FILIP1: variants seen among roughly 807,000 people sequenced by gnomAD.
FILIP1 encodes filamin A interacting protein 1, also known as filamin-A-interacting protein 1.
Under a neutral mutation model 102.1 loss-of-function variants are expected in FILIP1, and 61 were observed. The observed-to-expected ratio is 0.60, with a 90% CI of 0.49 to 0.74. The LOEUF is 0.74. Ranked by LOEUF, FILIP1 falls within the 30% of genes least tolerant of loss-of-function variation. The pLI is 0.00. For missense variants in FILIP1, 1,314 were observed against 1,441.2 expected (o/e 0.91, Z 1.43); for synonymous variants, 491 against 526.9 (o/e 0.93, Z 0.93).
At chr6:75,310,386 T>C (rs1371694066) in intron 5 of FILIP1, among the ~76,000 whole-genome samples, 2 of 152,238 alleles carry the variant, frequency 1.3e-5, no homozygotes, top group Admixed American at 6.5e-5. Context: ...ACCTAGCCCA[T>C]GCCTAAAGTG....
chr6:75,292,606 C>A (rs1772571025), exon 7 of FILIP1: 1 of 152,150 alleles, frequency 6.6e-6, no homozygotes. Flanking sequence ...TATTACAACA[C>A]TTTTTTTCTC....
At chr6:75,464,239 T>C (rs1000481058) in intron 1 of FILIP1, among the ~76,000 whole-genome samples, 1 of 152,222 alleles carries the variant, frequency 6.6e-6, no homozygotes, top group African/African-American at 2.4e-5. Flanking sequence ...CAAGATTTTC[T>C]TTCCAGTGAC....
chr6:75,467,895 C>T (rs777663879), intron 1 of FILIP1, among the ~76,000 whole-genome samples: 7 of 152,176 alleles, frequency 4.6e-5, no homozygotes, highest in African/African-American at 7.2e-5. Flanking sequence ...TACAGGAGAG[C>T]AGTAGGAACA....
At chr6:75,338,087 T>C (rs531983495) in intron 4 of FILIP1, among the ~76,000 whole-genome samples, 5 of 152,186 alleles carry the variant, frequency 3.3e-5, no homozygotes, top group Non-Finnish European at 5.9e-5. Flanking sequence ...TCCTTAAGCA[T>C]TTAAGAATAA....
chr6:75,304,211 T>C (rs1212842286), downstream of FILIP1, among the ~76,000 whole-genome samples: 1 of 152,062 alleles, frequency 6.6e-6, no homozygotes, highest in East Asian at 1.9e-4. Flanking sequence ...TTATTATTTA[T>C]TTATTTTTAT....
At chr6:75,331,269 A>G (rs9360901) in intron 4 of FILIP1, among the ~76,000 whole-genome samples, 35,064 of 152,156 alleles carry the variant, frequency 0.23, 4,909 homozygotes, top group Middle Eastern at 0.34. Flanking sequence ...GTTTGCTCAT[A>G]TGAGCCACAG....
intron 2 of FILIP1, among the ~76,000 whole-genome samples, chr6:75,393,392 C>T (rs190931190): frequency 9.2e-5 from 14 of 152,158 alleles, no homozygotes; most frequent in Admixed American, 5.2e-4. Flanking sequence ...TCCTAAAATT[C>T]GCTCTTATTT....
At chr6:75,455,427 A>G (rs1363164837) in intron 1 of FILIP1, 1 of 152,086 alleles carries the variant, frequency 6.6e-6, no homozygotes, top group East Asian at 1.9e-4. Context: ...TTTTATTGCG[A>G]TGTCCAAACA....
chr6:75,386,141 C>T (rs187609537), intron 2 of FILIP1: 1 of 152,236 alleles, frequency 6.6e-6, no homozygotes, highest in East Asian at 1.9e-4. Context: ...TTGTTTCAGA[C>T]AATGATATGC....
intron 4 of FILIP1, among the ~76,000 whole-genome samples, chr6:75,329,346 G>A (rs1030650229): frequency 6.6e-6 from 1 of 152,140 alleles, no homozygotes; most frequent in Non-Finnish European, 1.5e-5. Context: ...AAATTTATCA[G>A]CATTAGCTCC....
intron 1 of FILIP1, among the ~76,000 whole-genome samples, chr6:75,426,099 T>C (rs180905910): frequency 1.2e-3 from 183 of 151,682 alleles, no homozygotes; most frequent in Non-Finnish European, 2.3e-3. Context: ...GTGGCTGGAG[T>C]TGACTCTTAG....
chr6:75,444,749 G>A (rs558188103), intron 1 of FILIP1, among the ~76,000 whole-genome samples: 59 of 152,116 alleles, frequency 3.9e-4, no homozygotes, highest in South Asian at 1.2e-3. Flanking sequence ...CACTTTAAAG[G>A]CTTCATTTTT....
chr6:75,441,600 G>A (rs372178738), intron 1 of FILIP1, among the ~76,000 whole-genome samples: 30,286 of 149,102 alleles, frequency 0.2, 2,948 homozygotes, highest in South Asian at 0.3. Context: ...GCGGCTGGCC[G>A]GGCAGGGGGC....
intron 4 of FILIP1, among the ~76,000 whole-genome samples, chr6:75,327,591 AT>A (rs1463620722): frequency 1.4e-5 from 1 of 72,400 alleles, no homozygotes; most frequent in Non-Finnish European, 2.9e-5. Context: ...TAAATATAAA[AT>A]AAAAAGGTCA....
intron 2 of FILIP1, chr6:75,385,808 A>G (rs896925219): frequency 1.3e-5 from 2 of 151,394 alleles, no homozygotes; most frequent in African/African-American, 2.4e-5. Context: ...AGCATGTTAC[A>G]TATCATGGTC....
intron 4 of FILIP1, among the ~76,000 whole-genome samples, chr6:75,334,134 A>G (rs1464598910): frequency 6.6e-6 from 1 of 152,224 alleles, no homozygotes; most frequent in African/African-American, 2.4e-5. Flanking sequence ...TTGCTCATCA[A>G]GAAATCATAC....
intron 4 of FILIP1, among the ~76,000 whole-genome samples, chr6:75,344,906 A>G (rs1375393806): frequency 1.3e-5 from 2 of 152,262 alleles, no homozygotes; most frequent in African/African-American, 4.8e-5. Flanking sequence ...GCAACAGAGC[A>G]AGATGCCAAC....
At chr6:75,365,404 T>G (rs1420391413) in intron 2 of FILIP1, among the ~76,000 whole-genome samples, 1 of 152,134 alleles carries the variant, frequency 6.6e-6, no homozygotes, top group Admixed American at 6.6e-5. Context: ...AGAGTCTCAG[T>G]CTGTCAACCA....
In FILIP1 at chr6:75,315,137, C is replaced by A; in HGVS notation, c.695G>T (p.Arg232Leu). ...QARKEKENAK[R>L]LNKLRDELVK... ...AAGCTCATCTCTTAGTTTATTGAGT[C>A]GTTTAGCATTTTCCTTTTCTTTGCG... is the stretch of plus-strand genomic sequence containing the variant. The change falls in exon 5 of 6, where the codon CGA becomes CTA. Residue 232 changes from arginine (R) to leucine (L), a missense_variant. Physicochemically the swap from Arg to Leu is moderately radical, Grantham distance 102. This residue lies in a region of FILIP1 where 494 missense variants were observed against 511.2 expected (regional missense o/e 0.97). Coordinates refer to ENST00000237172, the MANE Select transcript of FILIP1 (RefSeq NM_015687.5). 6.3e-7 allele frequency: 1 copy of A among 1,599,268 alleles called. No homozygotes were observed. Among genetic ancestry groups the A allele is most frequent in the South Asian group, 1.1e-5 (1 of 87,042 alleles).
Sources: allele counts gnomAD v4.1 joint callset (sites outside exome capture counted in the v4.1 genomes callset), GRCh38; gene constraint gnomAD v4.1.1; regional missense constraint gnomAD v4.1.1; transcripts MANE v1.5; gene names NCBI Gene and HGNC (gene_info 2026-07-23, HGNC 2026-07-21).